Variants in RBM22 observed in about 807,000 individuals in gnomAD.
RBM22 encodes pre-mRNA-splicing factor RBM22.
Under a neutral mutation model 50.1 loss-of-function variants are expected in RBM22, and 1 was observed. That is an observed-to-expected ratio of 0.02 (90% CI 0.01 to 0.09). The LOEUF (loss-of-function observed/expected upper bound fraction) is 0.09. Ranked by LOEUF, RBM22 falls within the 10% of genes least tolerant of loss-of-function variation. The pLI is 1.00. For missense variants in RBM22, 264 were observed against 529.3 expected, an observed-to-expected ratio of 0.50 and a Z score of 4.92; for synonymous variants, 152 against 179.0, an observed-to-expected ratio of 0.85 and a Z score of 1.20.
Position 150,690,908 on chromosome 5 carries a change from T to C in RBM22, c.*843A>G, listed in dbSNP as rs1759198785. 6.6e-6 allele frequency: 1 copy of C among 152,272 alleles called. No individual in the cohort carries two copies. Among genetic ancestry groups the C allele is most frequent in the East Asian group, 1.9e-4 (1 of 5,320 alleles). The allele number at this position is 152,272 out of a possible 1,614,324, so 9.4% of individuals were successfully genotyped here. ...GACCAAACAGAAGCAGGGATGACAATGAGACACTGAAGACACACGAAGGTG... is the reference window on the plus strand; with the variant it reads ...GACCAAACAGAAGCAGGGATGACAACGAGACACTGAAGACACACGAAGGTG... On this transcript the variant is annotated 3_prime_UTR_variant, in exon 11 of 11. Coordinates refer to ENST00000199814, the MANE Select transcript of RBM22 (RefSeq NM_018047.3).
rs1048475248 is a variant in RBM22 at position 150,696,291 on chromosome 5, A to T, written c.545+242T>A. 6.6e-6 allele frequency among the ~76,000 whole-genome samples: 1 copy of T among 152,176 alleles called. No homozygotes were observed. Among genetic ancestry groups the T allele is most frequent in the Admixed American group, 6.5e-5 (1 of 15,272 alleles). Reference sequence around the variant, plus strand: ...CAGTGAAGATTTACTTCTCAGGCAGAAATGTTTAGGGTCAGCATCTATATT... The same window carrying T: ...CAGTGAAGATTTACTTCTCAGGCAGTAATGTTTAGGGTCAGCATCTATATT... On this transcript the variant is annotated intron_variant, in intron 6 of 10. Transcript: ENST00000199814. This position sits in a 1 kb window ranked among gnomAD's most constrained non-coding sequence, Gnocchi z 4.3.
In RBM22 at chr5:150,693,077, G is replaced by A. The variant is rs375522131; in HGVS notation, c.1001-51C>T. ...ATAGAGGGGAGAACAATTGTGCAAC[G>A]CTGTTTCTACCACCTTTACATTCTC... On this transcript the variant is annotated intron_variant, in intron 9 of 10. Coordinates refer to ENST00000199814, the MANE Select transcript of RBM22 (RefSeq NM_018047.3). 46 of 1,569,442 alleles carry A rather than the reference G, an allele frequency of 2.9e-5. No homozygotes were observed. In the African/African-American group the frequency reaches 5.3e-4, roughly 18 times the overall value.
rs1581549790 is a variant in RBM22 at position 150,701,023 on chromosome 5, G to A, written c.-38C>T. ...CGGAGGTAGCTGTAGCTTCCGAATT[G>A]GGAGAGAGGACCGCCACAATCCCGT... On this transcript the variant is annotated 5_prime_UTR_variant, in exon 1 of 11. Transcript: ENST00000199814. 4 of 1,612,764 alleles carry A rather than the reference G, an allele frequency of 2.5e-6. No individual in the cohort carries two copies. Among genetic ancestry groups the A allele is most frequent in the Non-Finnish European group, 3.4e-6 (4 of 1,179,114 alleles).
At chr5:150,700,755 C>T (rs1484878181) in intron 1 of RBM22, 177 bp downstream of exon 1, 2 of 1,544,032 alleles carry the variant, frequency 1.3e-6, no homozygotes. Flanking sequence ...TGGCTAAGCC[C>T]CCTCCCTTCA....
chr5:150,696,736 A>T lies in RBM22; in HGVS notation c.373-31T>A. On this transcript the variant is annotated intron_variant, in intron 5 of 10. Transcript: ENST00000199814. The surrounding 1 kb of genome is among the most constrained non-coding windows in gnomAD (Gnocchi z 4.3). The stretch of plus-strand genomic sequence containing the variant: ...TGGGGATGACAAATTCAAAAGATAA[A>T]TTATACAGACTGTGTCAATTCATTA... 6.2e-7 allele frequency: 1 copy of T among 1,614,006 alleles called. No homozygotes were observed. The highest frequency in any genetic ancestry group is 1.1e-5 in the South Asian group (1 of 91,076).
In RBM22 at chr5:150,694,211, C is replaced by T. The variant is rs1412091969; in HGVS notation, c.776G>A (p.Arg259Gln). The change falls in exon 8 of 11, where the codon CGG becomes CAG. Residue 259 changes from arginine to glutamine, a missense_variant. By Grantham distance (43) the Arg-to-Gln change is conservative. This residue lies in a region of RBM22 where 62 missense variants were observed against 102.6 expected (regional missense o/e 0.60). Transcript: ENST00000199814. ...CTGTCTCTGCACAACAGTGATCGTCCGGATCTCTCCGAACTGGTAGAAATG... is the reference window on the plus strand; with the variant it reads ...CTGTCTCTGCACAACAGTGATCGTCTGGATCTCTCCGAACTGGTAGAAATG... ...RNHFYQFGEI[R>Q]TITVVQRQQC... is the part of the protein sequence containing the mutation. 23 of 1,613,474 alleles carry T rather than the reference C, an allele frequency of 1.4e-5. No homozygotes were observed. Among genetic ancestry groups the T allele is most frequent in the South Asian group, 2.2e-5 (2 of 90,882 alleles).
chr5:150,698,748 CT>C, intron 3 of RBM22, 117 bp from the exon 4 acceptor site: 1 of 1,296,270 alleles, frequency 7.7e-7, no homozygotes, highest in Non-Finnish European at 1.0e-6. Context: ...TAGAAGAGAC[CT>C]TAGCAATCAT....
chr5:150,692,518 G>C (rs1292366228), intron 10 of RBM22, among the ~76,000 whole-genome samples: 1 of 152,124 alleles, frequency 6.6e-6, no homozygotes, highest in Non-Finnish European at 1.5e-5. Flanking sequence ...TTTGGCACAA[G>C]CTCCTGATCT....
rs1179143237 is a variant in RBM22, at chr5:150,691,868, G to A, written c.1146C>T (p.His382=). Residue 382 remains histidine (H), a synonymous_variant, in exon 11 of 11, where the codon CAC becomes CAT. Transcript: ENST00000199814. ...APPPPPGFGP[H]MFHPMGPPPP... ...GGGGTGGTCCCATTGGGTGGAACAT[G>A]TGTGGCCCAAAACCTGCAGATACGA... 5 of 1,591,024 alleles carry A rather than the reference G, an allele frequency of 3.1e-6. No individual in the cohort carries two copies. The highest frequency in any genetic ancestry group is 4.3e-6 in the Non-Finnish European group (5 of 1,169,376).
At chr5:150,692,825 T>A (rs944224265) in intron 10 of RBM22, 70 bp downstream of exon 10, 1 of 1,439,674 alleles carries the variant, frequency 6.9e-7, no homozygotes, top group African/African-American at 1.4e-5. Flanking sequence ...GTGTTGAACA[T>A]GATGGTGAGG....
chr5:150,691,911 G>C (rs774476855), intron 10 of RBM22, 30 bp from the exon 11 acceptor site: 2 of 1,486,786 alleles, frequency 1.3e-6, no homozygotes, highest in Admixed American at 4.4e-5. Flanking sequence ...AATGTGTTAG[G>C]CTGGTAGTTT....
chr5:150,698,708 A>G, intron 3 of RBM22, 77 bp from the exon 4 acceptor site: 1 of 1,530,614 alleles, frequency 6.5e-7, no homozygotes, highest in Non-Finnish European at 8.8e-7. Flanking sequence ...ACAACGGGGC[A>G]TTCAAAAAAG....
At position 150,691,513 on chromosome 5, in the gene RBM22, T is replaced by G; in HGVS notation, c.*238A>C. ...CCACACGGGTAAGGGGAACAGGCGT[T>G]CGGTTTTATTAGTCATGTTACAGCA... is the stretch of plus-strand genomic sequence containing the variant. On this transcript the variant is annotated 3_prime_UTR_variant, in exon 11 of 11. Transcript: ENST00000199814. 1 of 346,442 alleles carries G rather than the reference T, an allele frequency of 2.9e-6. No individual in the cohort carries two copies. Among genetic ancestry groups the G allele is most frequent in the Non-Finnish European group, 5.0e-6 (1 of 199,442 alleles). 21.5% of individuals were successfully genotyped at this position (346,442 alleles called of 1,614,324 possible).
intron 10 of RBM22, 87 bp downstream of exon 10, chr5:150,692,808 T>G: frequency 1.5e-6 from 2 of 1,355,410 alleles, no homozygotes; most frequent in Non-Finnish European, 1.0e-6. Flanking sequence ...ACTCACAGGA[T>G]TTGGATGTGT....
chr5:150,693,445 G>A lies in RBM22; in HGVS notation c.912-138C>T, dbSNP rs1759235660. ...ACACTCTTTTCCCATAAATGCCACT[G>A]TGCACAGTGAACAAGAGCAAAGGTT... On this transcript the variant is annotated intron_variant, in intron 8 of 10. Coordinates refer to ENST00000199814, the MANE Select transcript of RBM22 (RefSeq NM_018047.3). 1.2e-5 allele frequency: 8 copies of A among 677,662 alleles called. No individual in the cohort carries two copies. In the South Asian group the frequency reaches 1.3e-4, roughly 11 times the overall value. 42.0% of individuals were successfully genotyped at this position (677,662 alleles called of 1,614,324 possible). A position where few individuals can be genotyped will look rare whatever the true frequency, so the allele number is the denominator to read the frequency against.
Position 150,691,667 on chromosome 5 carries a change from G to C in RBM22, c.*84C>G. ...TTCAGCTACCATGGAAACTACAAGG[G>C]AAGGAAAAATATATTTATTCCAAGA... On this transcript the variant is annotated 3_prime_UTR_variant, in exon 11 of 11. Transcript: ENST00000199814. 2 of 1,369,700 alleles carry C rather than the reference G, an allele frequency of 1.5e-6. No individual in the cohort carries two copies. Among genetic ancestry groups the C allele is most frequent in the South Asian group, 3.8e-5 (2 of 52,944 alleles). The allele number at this position is 1,369,700 out of a possible 1,614,324, so 84.8% of individuals were successfully genotyped here.
intron 9 of RBM22, 57 bp downstream of exon 9, chr5:150,693,162 A>G: frequency 1.3e-6 from 2 of 1,566,556 alleles, no homozygotes; most frequent in Non-Finnish European, 1.7e-6. Flanking sequence ...CCATCTTCCA[A>G]AATAGGAACA....
chr5:150,696,412 T>C lies in RBM22; in HGVS notation c.545+121A>G, dbSNP rs959170505. ...AATTTCATAGTTCTAAGACATGAGG[T>C]ATACCACATTAGTTGTATGACCTTT... On this transcript the variant is annotated intron_variant, in intron 6 of 10. Transcript: ENST00000199814. This position sits in a 1 kb window ranked among gnomAD's most constrained non-coding sequence, Gnocchi z 4.3. 15 of 1,062,920 alleles carry C rather than the reference T, an allele frequency of 1.4e-5. No individual in the cohort carries two copies. The African/African-American group carries it at 2.4e-4, about 17-fold the overall frequency. 65.8% of individuals were successfully genotyped at this position (1,062,920 alleles called of 1,614,324 possible).
At chr5:150,693,515 A>G (rs1328609800) in intron 8 of RBM22, among the ~76,000 whole-genome samples, 2 of 152,234 alleles carry the variant, frequency 1.3e-5, no homozygotes, top group African/African-American at 2.4e-5. Flanking sequence ...TAGAACTATC[A>G]TAAGGACCAG....
Sources: allele counts gnomAD v4.1 joint callset (sites outside exome capture counted in the v4.1 genomes callset), GRCh38; gene constraint gnomAD v4.1.1; regional missense constraint gnomAD v4.1.1; non-coding constraint Gnocchi (gnomAD v3.1); transcripts MANE v1.5; gene names NCBI Gene and HGNC (gene_info 2026-07-23, HGNC 2026-07-21).